Variants in SGMS1 observed in about 807,000 individuals in gnomAD.
The protein encoded by SGMS1 is phosphatidylcholine:ceramide cholinephosphotransferase 1.
SGMS1 carries 13 observed loss-of-function variants against 46.2 expected under a neutral mutation model. That is an observed-to-expected ratio of 0.28 (90% CI 0.18 to 0.45). SGMS1 has a LOEUF of 0.45. SGMS1 is among the 20% of genes least tolerant of loss of function. The pLI is 1.00. For synonymous variants in SGMS1, 203 were observed against 187.8 expected, an observed-to-expected ratio of 1.08 and a Z score of -0.66; for missense variants, 324 against 519.9, an observed-to-expected ratio of 0.62 and a Z score of 3.66.
At chr10:50,419,418 GAGAAACTTA>G (rs1849224862) in intron 6 of SGMS1, among the ~76,000 whole-genome samples, 1 of 152,260 alleles carries the variant, frequency 6.6e-6, no homozygotes, top group East Asian at 1.9e-4. Context: ...TTTAAGTGGT[GAGAAACTTA>G]AGAAGCTTTA....
At chr10:50,428,172 T>C (rs1463557946) in intron 6 of SGMS1, among the ~76,000 whole-genome samples, 5 of 152,242 alleles carry the variant, frequency 3.3e-5, no homozygotes, top group African/African-American at 1.2e-4. Flanking sequence ...GTCTGGCTCC[T>C]TGCAGATAAG....
intron 6 of SGMS1, among the ~76,000 whole-genome samples, chr10:50,428,966 A>T (rs1849365218): frequency 6.6e-6 from 1 of 152,238 alleles, no homozygotes; most frequent in Non-Finnish European, 1.5e-5. Context: ...AGTTGGGTAA[A>T]ATAATCCAAC....
intron 6 of SGMS1, among the ~76,000 whole-genome samples, chr10:50,363,024 A>C (rs921726995): frequency 6.6e-6 from 1 of 152,180 alleles, no homozygotes; most frequent in Non-Finnish European, 1.5e-5. Context: ...TCTAGCACCC[A>C]CATCTTTTTT....
intron 7 of SGMS1, among the ~76,000 whole-genome samples, chr10:50,328,469 A>C (rs2133317898): frequency 6.6e-6 from 1 of 152,364 alleles, no homozygotes; most frequent in Middle Eastern, 3.4e-3. Flanking sequence ...TGTACTAGCC[A>C]GAGGAAAATT....
intron 2 of SGMS1, among the ~76,000 whole-genome samples, chr10:50,549,046 AGATCCTG>A (rs1374665057): frequency 6.6e-6 from 1 of 152,224 alleles, no homozygotes; most frequent in Non-Finnish European, 1.5e-5. Flanking sequence ...AAAAAACAAC[AGATCCTG>A]GCAAGGCTGC....
chr10:50,514,509 G>T (rs1026590854), intron 3 of SGMS1, among the ~76,000 whole-genome samples: 7 of 152,090 alleles, frequency 4.6e-5, no homozygotes, highest in African/African-American at 1.4e-4. Context: ...TTCAGGATGT[G>T]CTCCCTATCT....
intron 3 of SGMS1, among the ~76,000 whole-genome samples, chr10:50,471,348 A>G (rs558655963): frequency 3.3e-5 from 5 of 152,346 alleles, no homozygotes; most frequent in Admixed American, 3.3e-4. Flanking sequence ...AGCTCAGTTT[A>G]GCAAGGAGAA....
chr10:50,356,048 G>A (rs556249208), intron 6 of SGMS1, among the ~76,000 whole-genome samples: 25 of 152,296 alleles, frequency 1.6e-4, no homozygotes, highest in African/African-American at 5.5e-4. Context: ...CAGCCACCCC[G>A]TCTGGGAGGT....
intron 6 of SGMS1, among the ~76,000 whole-genome samples, chr10:50,374,408 G>C (rs1426776357): frequency 2.0e-5 from 3 of 151,654 alleles, no homozygotes; most frequent in African/African-American, 7.3e-5. Flanking sequence ...ACATATGAGA[G>C]TGCACTCTCT....
chr10:50,467,129 A>G (rs796461453), intron 3 of SGMS1, among the ~76,000 whole-genome samples, 197 bp from the exon 4 acceptor site: 3 of 152,174 alleles, frequency 2.0e-5, no homozygotes, highest in African/African-American at 7.2e-5. Flanking sequence ...AGACAACGCC[A>G]AGCAGAAACA....
At chr10:50,506,903 A>G (rs919547098) in intron 3 of SGMS1, among the ~76,000 whole-genome samples, 2 of 152,182 alleles carry the variant, frequency 1.3e-5, no homozygotes, top group African/African-American at 4.8e-5. Context: ...ATCCAAATGA[A>G]TAAGTGCTTC....
chr10:50,605,843 C>T (rs1838689515), intron 1 of SGMS1, among the ~76,000 whole-genome samples: 1 of 152,108 alleles, frequency 6.6e-6, no homozygotes, highest in Non-Finnish European at 1.5e-5. Context: ...GGGTATCCAT[C>T]CCTCAAATAA....
intron 1 of SGMS1, among the ~76,000 whole-genome samples, chr10:50,608,473 C>T (rs1838717304): frequency 6.6e-6 from 1 of 152,152 alleles, no homozygotes; most frequent in African/African-American, 2.4e-5. Context: ...ACAGGCTGTA[C>T]ACCACAAGAT....
intron 6 of SGMS1, among the ~76,000 whole-genome samples, chr10:50,355,034 T>C (rs1348742606): frequency 6.6e-6 from 1 of 152,236 alleles, no homozygotes; most frequent in Non-Finnish European, 1.5e-5. Context: ...GTCAGTGTGA[T>C]GATTCCTCAG....
intron 1 of SGMS1, among the ~76,000 whole-genome samples, chr10:50,616,675 A>T (rs568123199): frequency 6.6e-6 from 1 of 152,340 alleles, no homozygotes; most frequent in African/African-American, 2.4e-5. Flanking sequence ...GGAAGATTTT[A>T]AAAGATCTGT....
intron 6 of SGMS1, among the ~76,000 whole-genome samples, chr10:50,365,100 C>T (rs1399277087): frequency 6.6e-6 from 1 of 151,808 alleles, no homozygotes; most frequent in Non-Finnish European, 1.5e-5. Context: ...CCCATTTCTA[C>T]TAAAAATACA....
intron 2 of SGMS1, among the ~76,000 whole-genome samples, chr10:50,537,178 T>C (rs1020249794): frequency 6.6e-6 from 1 of 152,198 alleles, no homozygotes; most frequent in Non-Finnish European, 1.5e-5. Flanking sequence ...CAGGACCCTC[T>C]ACTGATCTTG....
intron 6 of SGMS1, among the ~76,000 whole-genome samples, chr10:50,403,191 A>G (rs768776733): frequency 6.6e-5 from 10 of 152,248 alleles, no homozygotes; most frequent in Non-Finnish European, 1.5e-4. Flanking sequence ...AAGAACAGAC[A>G]TGATTATTAC....
At chr10:50,448,760 A>AAAC (rs1837061375) in intron 5 of SGMS1, among the ~76,000 whole-genome samples, 1 of 145,670 alleles carries the variant, frequency 6.9e-6, no homozygotes, top group Admixed American at 6.9e-5. Context: ...AAAAAAAAAA[A>AAAC]AGAATGAAAA....
Sources: gnomAD v4.1 joint callset for allele counts (sites outside exome capture counted in the v4.1 genomes callset) on GRCh38, gnomAD v4.1.1 for gene constraint, MANE v1.5 for transcripts, NCBI Gene and HGNC (gene_info 2026-07-23, HGNC 2026-07-21) for gene names.